C8orf34: variants seen among roughly 807,000 people sequenced by gnomAD.
The protein encoded by C8orf34 is chromosome 8 open reading frame 34, also known as uncharacterized protein C8orf34.
C8orf34 carries 65 observed loss-of-function variants against 68.3 expected under a neutral mutation model. That is an observed-to-expected ratio of 0.95 (90% CI 0.78 to 1.17). C8orf34 has a LOEUF of 1.17. Ranked by LOEUF, C8orf34 falls within the 50% of genes most tolerant of loss-of-function variation. The probability of loss-of-function intolerance (pLI) is 0.00; values close to 1 mark genes in which losing one functional copy is unlikely to be tolerated. For missense variants in C8orf34, 664 were observed against 655.4 expected (o/e 1.01, Z -0.14); for synonymous variants, 244 against 241.2 (o/e 1.01, Z -0.11).
At chr8:68,808,697 A>G (rs1824557097) in intron 12 of C8orf34, among the ~76,000 whole-genome samples, 1 of 152,086 alleles carries the variant, frequency 6.6e-6, no homozygotes, top group Admixed American at 6.5e-5. Context: ...GCCATTTTTT[A>G]TGAGGGACTT....
intron 7 of C8orf34, among the ~76,000 whole-genome samples, chr8:68,547,877 C>G (rs1160812229): frequency 6.6e-6 from 1 of 151,740 alleles, no homozygotes; most frequent in African/African-American, 2.4e-5. Flanking sequence ...GAATGGATTA[C>G]AGTCCAGAAA....
chr8:68,659,064 T>G (rs1819593878), intron 8 of C8orf34, among the ~76,000 whole-genome samples: 1 of 152,138 alleles, frequency 6.6e-6, no homozygotes, highest in African/African-American at 2.4e-5. Context: ...CCTCCCTTCC[T>G]TCCTCAACCC....
chr8:68,556,748 T>C (rs754859603), intron 7 of C8orf34, among the ~76,000 whole-genome samples: 28 of 152,200 alleles, frequency 1.8e-4, no homozygotes, highest in Non-Finnish European at 1.3e-4. Flanking sequence ...TGCAAAGTTC[T>C]TGTGGATTTT....
chr8:68,343,099 A>G (rs895030039), intron 1 of C8orf34, among the ~76,000 whole-genome samples: 54 of 152,174 alleles, frequency 3.5e-4, no homozygotes, highest in African/African-American at 1.2e-3. Flanking sequence ...AAACAAAACA[A>G]ATTAACCAAC....
chr8:68,597,656 G>A (rs1181666001), intron 7 of C8orf34, among the ~76,000 whole-genome samples: 1 of 151,858 alleles, frequency 6.6e-6, no homozygotes, highest in African/African-American at 2.4e-5. Context: ...TGGCGACCAA[G>A]GAAGAACCCC....
intron 11 of C8orf34, among the ~76,000 whole-genome samples, chr8:68,777,808 A>G (rs2129528661): frequency 6.6e-6 from 1 of 152,326 alleles, no homozygotes; most frequent in Admixed American, 6.5e-5. Context: ...ACCTTTATTT[A>G]TAAATTTATA....
rs1208321747 is a variant in C8orf34, at chr8:68,818,244, T to C, written c.1615T>C (p.Ter539ArgextTer48). ...GTTTCATTTCTCCTCTGCAGGTTTG[T>C]GAAACAGAGAGAAGAAGTTGCAAGT... ...SCPTLVYSGL[*>R] Residue 539 changes from the stop codon to arginine, a stop_lost, in exon 14 of 14, where the codon TGA becomes CGA. Transcript: ENST00000518698. 7 of 1,612,566 alleles carry C rather than the reference T, an allele frequency of 4.3e-6. No individual in the cohort carries two copies. In the South Asian group the frequency reaches 6.6e-5, roughly 15 times the overall value.
intron 3 of C8orf34, among the ~76,000 whole-genome samples, chr8:68,460,884 G>A (rs566818270): frequency 3.7e-4 from 57 of 152,320 alleles, no homozygotes; most frequent in African/African-American, 1.0e-3. Flanking sequence ...AAAGCAGAGT[G>A]CCTCTCCTCC....
At chr8:68,775,554 T>C (rs912999982) in intron 10 of C8orf34, among the ~76,000 whole-genome samples, 7 of 152,212 alleles carry the variant, frequency 4.6e-5, no homozygotes, top group African/African-American at 1.7e-4. Flanking sequence ...ACGGAGAATT[T>C]ACTAATTACA....
At chr8:68,433,168 C>G (rs1586130921) in intron 1 of C8orf34, among the ~76,000 whole-genome samples, 1 of 152,194 alleles carries the variant, frequency 6.6e-6, no homozygotes, top group East Asian at 1.9e-4. Flanking sequence ...AGGCCGTGAT[C>G]TCAAATGCAA....
chr8:68,699,894 T>C (rs1469291250), intron 8 of C8orf34, among the ~76,000 whole-genome samples: 1 of 152,044 alleles, frequency 6.6e-6, no homozygotes, highest in Non-Finnish European at 1.5e-5. Flanking sequence ...TTTCAGGAGA[T>C]AGGAAGTTAC....
chr8:68,811,614 T>C (rs1332673550), intron 12 of C8orf34, among the ~76,000 whole-genome samples: 1 of 152,214 alleles, frequency 6.6e-6, no homozygotes, highest in Non-Finnish European at 1.5e-5. Flanking sequence ...CCAAATCTCT[T>C]TTGGAGAGAT....
At chr8:68,554,326 T>C (rs1816182433) in intron 7 of C8orf34, among the ~76,000 whole-genome samples, 1 of 152,158 alleles carries the variant, frequency 6.6e-6, no homozygotes. Context: ...GAAATTTTGC[T>C]TTGAATTAAG....
At chr8:68,402,738 G>C (rs944473115) in intron 1 of C8orf34, among the ~76,000 whole-genome samples, 3 of 152,024 alleles carry the variant, frequency 2.0e-5, no homozygotes, top group African/African-American at 7.2e-5. Flanking sequence ...TCTTGATATT[G>C]AGTTACAGTT....
At chr8:68,640,838 T>C (rs557376129) in intron 8 of C8orf34, among the ~76,000 whole-genome samples, 4 of 152,362 alleles carry the variant, frequency 2.6e-5, no homozygotes, top group African/African-American at 9.6e-5. Flanking sequence ...AAGCCACTTT[T>C]AAAGCACCTG....
At chr8:68,420,667 T>C (rs1306997457) in intron 1 of C8orf34, among the ~76,000 whole-genome samples, 1 of 152,162 alleles carries the variant, frequency 6.6e-6, no homozygotes, top group Admixed American at 6.5e-5. Flanking sequence ...ATAAGTCAGC[T>C]TACTATGTTC....
chr8:68,488,031 AT>A lies in C8orf34; in HGVS notation c.748del (p.Ser250GlnfsTer9). On this transcript the variant is annotated frameshift_variant, in exon 5 of 14. Transcript: ENST00000518698. LOFTEE classifies it high-confidence loss of function. ...ALENLSRSIA[I>X]SDELDKETVT... Reference sequence around the variant, plus strand: ...TCTCTTTTAAATCCCAGGTATTGCAATTTCAGATGAACTCGATAAGGTAAGT... The same window carrying A: ...TCTCTTTTAAATCCCAGGTATTGCAATTCAGATGAACTCGATAAGGTAAGT... 1 of 1,593,410 alleles carries A rather than the reference AT, an allele frequency of 6.3e-7. No individual in the cohort carries two copies. The highest frequency in any genetic ancestry group is 8.5e-7 in the Non-Finnish European group (1 of 1,169,856).
intron 8 of C8orf34, among the ~76,000 whole-genome samples, chr8:68,707,723 G>C (rs1821211390): frequency 6.6e-6 from 1 of 152,038 alleles, no homozygotes; most frequent in Non-Finnish European, 1.5e-5. Flanking sequence ...TTACAGGAGT[G>C]AGCCACCACA....
At chr8:68,795,109 A>G (rs1357232413) in intron 12 of C8orf34, among the ~76,000 whole-genome samples, 1 of 151,816 alleles carries the variant, frequency 6.6e-6, no homozygotes, top group Admixed American at 6.6e-5. Flanking sequence ...CTTCTAGTGG[A>G]TTTTTATTTC....
Sources: gnomAD v4.1 joint callset for allele counts (sites outside exome capture counted in the v4.1 genomes callset) on GRCh38, gnomAD v4.1.1 for gene constraint, MANE v1.5 for transcripts, NCBI Gene and HGNC (gene_info 2026-07-23, HGNC 2026-07-21) for gene names.